Variants in MAPK3 observed in about 807,000 individuals in gnomAD.
MAPK3 encodes MAPK 1.
In MAPK3, 30 loss-of-function variants were observed where a neutral mutation model predicts 41.8. The observed-to-expected ratio is 0.72, with a 90% confidence interval of 0.54 to 0.97. The LOEUF (loss-of-function observed/expected upper bound fraction) is 0.97. MAPK3 is among the 50% of genes least tolerant of loss of function. MAPK3 has a pLI of 0.00. For synonymous variants in MAPK3, 222 were observed against 213.4 expected (o/e 1.04, Z -0.35); for missense variants, 413 against 509.9 (o/e 0.81, Z 1.83).
At position 30,118,547 on chromosome 16, in the gene MAPK3, G is replaced by C. The variant is rs752160275; in HGVS notation, c.354-9C>G. On this transcript the variant is annotated splice_polypyrimidine_tract_variant and intron_variant, in intron 2 of 8. Coordinates refer to ENST00000263025, the MANE Select transcript of MAPK3 (RefSeq NM_002746.3). The stretch of plus-strand genomic sequence containing the variant: ...GGTCCTGCACAATGTAGCTGAGGAT[G>C]GTTCCGCAGACCCCCCCAGGCAGGG... The C allele has an allele frequency of 6.3e-5, 102 of 1,606,854 alleles. 2 individuals are homozygous for C. The East Asian group carries it at 2.3e-3, about 36-fold the overall frequency.
chr16:30,122,803 TA>T, intron 1 of MAPK3: 1 of 397,054 alleles, frequency 2.5e-6, no homozygotes, highest in Non-Finnish European at 4.5e-6. Context: ...CTCCCATCAT[TA>T]CAGAAGGGTG....
At chr16:30,119,629 C>A (rs2072996294) in intron 2 of MAPK3, among the ~76,000 whole-genome samples, 1 of 152,064 alleles carries the variant, frequency 6.6e-6, no homozygotes, top group Non-Finnish European at 1.5e-5. Flanking sequence ...ATCTGGCATG[C>A]AATAAATGTT....
chr16:30,123,172 T>TGCCCCCCCCC lies in MAPK3; in HGVS notation c.37_38insGGGGGGGGGC (p.Glu13GlyfsTer7). ...GCCGACCCCCTCGGTTCTACGGGGC[T>TGCCCCCCCCC]CCCCGCCCCCGCCCCCCTGAGCCGC... On this transcript the variant is annotated frameshift_variant, in exon 1 of 9. Coordinates refer to ENST00000263025, the MANE Select transcript of MAPK3 (RefSeq NM_002746.3). LOFTEE classifies it high-confidence loss of function. 7.6e-7 allele frequency: 1 copy of TGCCCCCCCCC among 1,322,454 alleles called. No individual in the cohort carries two copies. The allele number at this position is 1,322,454 out of a possible 1,614,324, so 81.9% of individuals were successfully genotyped here.
chr16:30,117,134 C>A lies in MAPK3; in HGVS notation c.907+20G>T. 2 of 1,614,034 alleles carry A rather than the reference C, an allele frequency of 1.2e-6. No homozygotes were observed. Among genetic ancestry groups the A allele is most frequent in the South Asian group, 1.1e-5 (1 of 91,038 alleles). On this transcript the variant is annotated intron_variant, in intron 6 of 8. Coordinates refer to ENST00000263025, the MANE Select transcript of MAPK3 (RefSeq NM_002746.3). ...CGACACCCAAGGTTTATCCCACACC[C>A]ACCCTCATGTCTCTCGAACCTTTGG... is the stretch of plus-strand genomic sequence containing the variant.
Position 30,118,364 on chromosome 16 carries a change from G to A in MAPK3, c.528C>T (p.Thr176=), listed in dbSNP as rs146660425. Residue 176 remains threonine (T), a synonymous_variant, in exon 3 of 9, where the codon ACC becomes ACT. Transcript: ENST00000263025. Reference sequence around the variant, plus strand: ...ACCCTCTGACCTTAAGGTCGCAGGTGGTGTTGATGAGCAGGTTGGAGGGCT... The same window carrying A: ...ACCCTCTGACCTTAAGGTCGCAGGTAGTGTTGATGAGCAGGTTGGAGGGCT... ...DLKPSNLLIN[T]TCDLKICDFG... 8.6e-5 allele frequency: 138 copies of A among 1,612,396 alleles called. No homozygotes were observed. Among genetic ancestry groups the A allele is most frequent in the Middle Eastern group, 6.7e-4 (4 of 6,000 alleles).
chr16:30,118,383 G>A lies in MAPK3; in HGVS notation c.509C>T (p.Ser170Phe). Residue 170 changes from serine to phenylalanine, a missense_variant, in exon 3 of 9, where the codon TCC (serine) becomes TTC (phenylalanine). By Grantham distance (155) the Ser-to-Phe change is radical. Coordinates refer to ENST00000263025, the MANE Select transcript of MAPK3 (RefSeq NM_002746.3). Reference sequence around the variant, plus strand: ...GCAGGTGGTGTTGATGAGCAGGTTGGAGGGCTTTAGATCTCGGTGGAGCAC... The same window carrying A: ...GCAGGTGGTGTTGATGAGCAGGTTGAAGGGCTTTAGATCTCGGTGGAGCAC... ...ANVLHRDLKP[S>F]NLLINTTCDL... 1 of 1,613,552 alleles carries A rather than the reference G, an allele frequency of 6.2e-7. No homozygotes were observed. Among genetic ancestry groups the A allele is most frequent in the Non-Finnish European group, 8.5e-7 (1 of 1,179,606 alleles).
At position 30,117,251 on chromosome 16, in the gene MAPK3, A is replaced by G. The variant is rs199838569; in HGVS notation, c.810T>C (p.Asn270=). 5.0e-6 allele frequency: 8 copies of G among 1,613,892 alleles called. No homozygotes were observed. Among genetic ancestry groups the G allele is most frequent in the Admixed American group, 3.3e-5 (2 of 60,000 alleles). The part of the protein sequence containing the change: ...ILGSPSQEDL[N]CIINMKARNY... The stretch of plus-strand genomic sequence containing the variant: ...TTCGGGCCTTCATGTTGATGATACA[A>G]TTCAGGTCCTCCTGGGATGGGGAGC... The change falls in exon 6 of 9, where the codon AAT becomes AAC. Residue 270 remains asparagine (N), a synonymous_variant. Transcript: ENST00000263025.
chr16:30,118,056 CA>C lies in MAPK3; in HGVS notation c.650del (p.Leu217ArgfsTer53). On this transcript the variant is annotated frameshift_variant, in exon 4 of 9. Coordinates refer to ENST00000263025, the MANE Select transcript of MAPK3 (RefSeq NM_002746.3). LOFTEE classifies it high-confidence loss of function. ...GGGCAGCCCCTCCTACCTTGGAGTT[CA>C]GCATGATCTCTGGGGCCCGGTACCA... ...TRWYRAPEIM[L>X]NSKGYTKSID... 1 of 1,614,004 alleles carries C rather than the reference CA, an allele frequency of 6.2e-7. No homozygotes were observed. The highest frequency in any genetic ancestry group is 8.5e-7 in the Non-Finnish European group (1 of 1,179,930).
intron 3 of MAPK3, 60 bp downstream of exon 3, chr16:30,118,289 A>T: frequency 6.3e-7 from 1 of 1,578,878 alleles, no homozygotes. Flanking sequence ...GGCTTCTTCT[A>T]CTGGTCACTG....
chr16:30,116,019 G>A (rs563283152), intron 8 of MAPK3: 1 of 150,140 alleles, frequency 6.7e-6, no homozygotes, highest in Admixed American at 6.7e-5. Context: ...GCCTCCCAAA[G>A]TGCTGGGATT....
At chr16:30,122,888 C>A (rs1319662182) in intron 1 of MAPK3, 152 bp downstream of exon 1, 40 of 667,590 alleles carry the variant, frequency 6.0e-5, no homozygotes, top group Admixed American at 8.4e-5. Context: ...CTCAGGGGCC[C>A]CCTCCCTGGG....
intron 8 of MAPK3, chr16:30,115,735 C>G (rs1000548119): frequency 6.6e-6 from 1 of 150,742 alleles, no homozygotes; most frequent in Non-Finnish European, 1.5e-5. Flanking sequence ...CGGTGGGCCA[C>G]CAGTCTGGGC....
chr16:30,118,666 C>T (rs576578884), intron 2 of MAPK3, 128 bp from the exon 3 acceptor site: 17 of 658,138 alleles, frequency 2.6e-5, no homozygotes, highest in Non-Finnish European at 3.8e-5. Context: ...ATAGATCTGC[C>T]AACCTGCACC....
chr16:30,121,264 A>T (rs1036215758), intron 2 of MAPK3, among the ~76,000 whole-genome samples: 2 of 151,800 alleles, frequency 1.3e-5, no homozygotes, highest in African/African-American at 4.8e-5. Flanking sequence ...TTGCACCACC[A>T]TGCCCCGCTA....
chr16:30,123,153 C>A lies in MAPK3; in HGVS notation c.57G>T (p.Gly19=). Residue 19 remains glycine, a synonymous_variant, in exon 1 of 9, where the codon GGG becomes GGT. Transcript: ENST00000263025. The part of the protein sequence containing the change: ...GGGGEPRRTE[G]VGPGVPGEVE... ...CCTCCCCCGGGACCCCCGGGCCGACCCCCTCGGTTCTACGGGGCTCCCCGC... is the reference window on the plus strand; with the variant it reads ...CCTCCCCCGGGACCCCCGGGCCGACACCCTCGGTTCTACGGGGCTCCCCGC... 2.0e-6 allele frequency: 3 copies of A among 1,515,120 alleles called. No individual in the cohort carries two copies. The highest frequency in any genetic ancestry group is 2.7e-5 in the East Asian group (1 of 37,040). The allele number at this position is 1,515,120 out of a possible 1,614,324, so 93.9% of individuals were successfully genotyped here. A position where few individuals can be genotyped will look rare whatever the true frequency, so the allele number is the denominator to read the frequency against.
At chr16:30,120,588 TAAG>T (rs1004918854) in intron 2 of MAPK3, among the ~76,000 whole-genome samples, 5 of 151,638 alleles carry the variant, frequency 3.3e-5, no homozygotes, top group African/African-American at 7.3e-5. Context: ...TGAGAAGTCC[TAAG>T]AAGAAGGACA....
chr16:30,119,352 C>T (rs996229328), intron 2 of MAPK3, among the ~76,000 whole-genome samples: 11 of 152,034 alleles, frequency 7.2e-5, no homozygotes, highest in Admixed American at 6.6e-4. Flanking sequence ...GGCTCTTGCT[C>T]TGTTGCCCAG....
intron 2 of MAPK3, among the ~76,000 whole-genome samples, chr16:30,120,720 G>C (rs985925426): frequency 1.7e-4 from 21 of 123,606 alleles, no homozygotes; most frequent in Non-Finnish European, 6.5e-5. Context: ...GTCACGCTCT[G>C]TCCCCCAGGC....
rs1017891903 is a variant in MAPK3, at chr16:30,117,244, T to C, written c.817A>G (p.Ile273Val). ...AGGTAGTTTCGGGCCTTCATGTTGA[T>C]GATACAATTCAGGTCCTCCTGGGAT... ...SPSQEDLNCIINMKARNYLQS... is the reference protein window; with the variant it reads ...SPSQEDLNCIVNMKARNYLQS... The change falls in exon 6 of 9, where the codon ATC becomes GTC. Residue 273 changes from isoleucine to valine, a missense_variant. Physicochemically the swap from Ile to Val is conservative, Grantham distance 29. Coordinates refer to ENST00000263025, the MANE Select transcript of MAPK3 (RefSeq NM_002746.3). 2 of 1,613,974 alleles carry C rather than the reference T, an allele frequency of 1.2e-6. No individual in the cohort carries two copies. The highest frequency in any genetic ancestry group is 1.3e-5 in the African/African-American group (1 of 74,900).
Sources: allele counts gnomAD v4.1 joint callset (sites outside exome capture counted in the v4.1 genomes callset), GRCh38; gene constraint gnomAD v4.1.1; transcripts MANE v1.5; gene names NCBI Gene and HGNC (gene_info 2026-07-23, HGNC 2026-07-21).